Variants in GALNT16 observed in about 807,000 individuals in gnomAD.
GALNT16 encodes UDP-GalNAc:polypeptide N-acetylgalactosaminyltransferase-like protein 1.
A neutral mutation model predicts 76.1 loss-of-function variants in GALNT16; 40 were observed. That is an observed-to-expected ratio of 0.53 (90% CI 0.41 to 0.68). The LOEUF (loss-of-function observed/expected upper bound fraction) is 0.68. GALNT16 is among the 30% of genes least tolerant of loss of function. The probability of loss-of-function intolerance (pLI) is 0.00; values close to 1 mark genes in which losing one functional copy is unlikely to be tolerated. For synonymous variants in GALNT16, 276 were observed against 285.2 expected (o/e 0.97, Z 0.32); for missense variants, 621 against 731.9 (o/e 0.85, Z 1.75).
chr14:69,322,923 G>GGGGT (rs1220498620), intron 2 of GALNT16, among the ~76,000 whole-genome samples: 1 of 105,098 alleles, frequency 9.5e-6, no homozygotes, highest in Non-Finnish European at 2.0e-5. Flanking sequence ...GGTGGCTCAC[G>GGGGT]GGGTGTGTGT....
At position 69,340,572 on chromosome 14, in the gene GALNT16, T is replaced by C. The variant is rs1459941507; in HGVS notation, c.1187+953T>C. ...CAATCTAGGCTCACTGCAACCTCCA[T>C]CTCCTGGGTTCAAGCGATTCTCCTG... On this transcript the variant is annotated intron_variant, in intron 11 of 14. Transcript: ENST00000448469. 2.0e-5 allele frequency among the ~76,000 whole-genome samples: 3 copies of C among 151,228 alleles called. No individual in the cohort carries two copies. The East Asian group carries it at 5.9e-4, about 30-fold the overall frequency.
intron 14 of GALNT16, 49 bp downstream of exon 14, chr14:69,348,051 T>G: frequency 1.3e-6 from 2 of 1,597,660 alleles, no homozygotes; most frequent in Non-Finnish European, 1.7e-6. Context: ...CGAGGGGCCA[T>G]GCCTCAGGGT....
chr14:69,320,365 C>T (rs538092839), intron 1 of GALNT16, among the ~76,000 whole-genome samples: 19 of 152,020 alleles, frequency 1.2e-4, no homozygotes, highest in South Asian at 6.2e-4. Flanking sequence ...CGTGGTGGTG[C>T]GCACCTGTAA....
At position 69,353,891 on chromosome 14, in the gene GALNT16, C is replaced by G. The variant is rs1163212702; in HGVS notation, c.*1723C>G. ...CCCTCCACACGGCCCTTGGGGTCAG[C>G]AGCCAAGTGTCTGTGGTCCGCAGCA... On this transcript the variant is annotated 3_prime_UTR_variant, in exon 15 of 15. Transcript: ENST00000448469. The G allele has an allele frequency of 3.3e-5, 5 of 152,332 alleles. No homozygotes were observed. Among genetic ancestry groups the G allele is most frequent in the Admixed American group, 6.5e-5 (1 of 15,290 alleles). The allele number at this position is 152,332 out of a possible 1,614,324, so 9.4% of individuals were successfully genotyped here. A position where few individuals can be genotyped will look rare whatever the true frequency, so the allele number is the denominator to read the frequency against.
chr14:69,305,169 C>CTTT (rs554703143), intron 1 of GALNT16, among the ~76,000 whole-genome samples: 4 of 127,306 alleles, frequency 3.1e-5, no homozygotes, highest in Admixed American at 8.1e-5. Flanking sequence ...CGACAAGTAT[C>CTTT]TTTTTTTTTT....
chr14:69,381,550 A>G, the GALNT16 span, among the ~76,000 whole-genome samples: 2 of 151,970 alleles, frequency 1.3e-5, no homozygotes, highest in Non-Finnish European at 2.9e-5. Flanking sequence ...TAGCAGTAAA[A>G]CTCCAATGGG....
chr14:69,310,128 T>C (rs936457695), intron 1 of GALNT16, among the ~76,000 whole-genome samples: 6 of 152,104 alleles, frequency 3.9e-5, no homozygotes, highest in African/African-American at 1.4e-4. Context: ...TATTGATCTG[T>C]TTATAGTAAG....
intron 1 of GALNT16, among the ~76,000 whole-genome samples, chr14:69,286,337 T>G (rs1313729244): frequency 6.6e-6 from 1 of 150,692 alleles, no homozygotes; most frequent in Non-Finnish European, 1.5e-5. Context: ...AGTCTCGCTA[T>G]TGTAGCCCAG....
intron 1 of GALNT16, among the ~76,000 whole-genome samples, chr14:69,278,169 C>T (rs919703429): frequency 1.3e-4 from 20 of 152,010 alleles, no homozygotes; most frequent in African/African-American, 4.4e-4. Flanking sequence ...CCACCATGCC[C>T]GGCTAATTTT....
At chr14:69,274,980 C>T (rs983283140) in intron 1 of GALNT16, among the ~76,000 whole-genome samples, 1 of 152,222 alleles carries the variant, frequency 6.6e-6, no homozygotes, top group South Asian at 2.1e-4. Context: ...GGATACCCAC[C>T]ACCTGATGGC....
rs146600616 is a variant in GALNT16, at chr14:69,292,265, C to G, written c.178-28446C>G. 2.4e-3 allele frequency among the ~76,000 whole-genome samples: 363 copies of G among 152,376 alleles called. 3 individuals are homozygous for G. The highest frequency in any genetic ancestry group is 8.4e-3 in the African/African-American group (348 of 41,588). ...TGAGTGGCAGAGCCGGGACTCCCAT[C>G]CAGGTTGCCTCATTCCTGAGTTAGT... On this transcript the variant is annotated intron_variant, in intron 1 of 14. Coordinates refer to ENST00000448469, the MANE Select transcript of GALNT16 (RefSeq NM_001168368.2).
chr14:69,274,003 G>A (rs1184089691), intron 1 of GALNT16, among the ~76,000 whole-genome samples: 1 of 152,174 alleles, frequency 6.6e-6, no homozygotes, highest in Non-Finnish European at 1.5e-5. Context: ...ATAGCGTAGT[G>A]GTTATGGGCA....
intron 1 of GALNT16, among the ~76,000 whole-genome samples, chr14:69,308,697 G>A (rs1248453389): frequency 6.6e-6 from 1 of 152,170 alleles, no homozygotes; most frequent in Admixed American, 6.5e-5. Context: ...CCTAAACCAG[G>A]ACAAGTGCTC....
downstream of GALNT16, chr14:69,356,575 A>ATTTT (rs2045695351): frequency 1.7e-5 from 1 of 60,420 alleles, no homozygotes; most frequent in African/African-American, 1.5e-4. Flanking sequence ...TTTTTTTTTG[A>ATTTT]GACAGAGTGT....
chr14:69,365,004 C>A, the GALNT16 span, among the ~76,000 whole-genome samples: 1 of 152,196 alleles, frequency 6.6e-6, no homozygotes, highest in Non-Finnish European at 1.5e-5. Context: ...CAAAGTCACA[C>A]AGCTAGGAAT....
chr14:69,288,861 C>T (rs1298528236), intron 1 of GALNT16, among the ~76,000 whole-genome samples: 1 of 152,076 alleles, frequency 6.6e-6, no homozygotes, highest in African/African-American at 2.4e-5. Context: ...GGGCTGTCAT[C>T]CTAGCGAGTG....
At chr14:69,325,568 T>C (rs2274441) in intron 4 of GALNT16, among the ~76,000 whole-genome samples, 164 bp downstream of exon 4, 3 of 152,170 alleles carry the variant, frequency 2.0e-5, no homozygotes, top group East Asian at 3.9e-4. Context: ...TCCTGTTCCC[T>C]GGTGTCAAAG....
intron 2 of GALNT16, among the ~76,000 whole-genome samples, chr14:69,323,176 C>T (rs919694382): frequency 2.0e-5 from 3 of 152,150 alleles, no homozygotes; most frequent in South Asian, 2.1e-4. Flanking sequence ...CTAGGGAGCC[C>T]GCTCCAGGGG....
chr14:69,359,617 G>C (rs2045711951), downstream of GALNT16, among the ~76,000 whole-genome samples: 1 of 152,214 alleles, frequency 6.6e-6, no homozygotes, highest in Non-Finnish European at 1.5e-5. Flanking sequence ...AGGAGGGGAG[G>C]CTCAGTTGAG....
Sources: allele counts gnomAD v4.1 joint callset (sites outside exome capture counted in the v4.1 genomes callset), GRCh38; gene constraint gnomAD v4.1.1; transcripts MANE v1.5; gene names NCBI Gene and HGNC (gene_info 2026-07-23, HGNC 2026-07-21).